LRRC4C: variants seen among roughly 807,000 people sequenced by gnomAD.
The protein encoded by LRRC4C is leucine rich repeat containing 4C, also known as leucine-rich repeat-containing protein 4C.
In LRRC4C, 5 loss-of-function variants were observed where a neutral mutation model predicts 33.6. The ratio of observed to expected loss-of-function variants is 0.15; its 90% CI spans 0.08 to 0.31. The LOEUF is 0.31. Among genes scored for constraint, LRRC4C ranks in the 10% least tolerant of loss-of-function variants. The pLI is 1.00. For missense variants in LRRC4C, 560 were observed against 796.7 expected, an observed-to-expected ratio of 0.70 and a Z score of 3.58; for synonymous variants, 329 against 302.0, an observed-to-expected ratio of 1.09 and a Z score of -0.93.
At chr11:40,840,291 T>C (rs1471745425) in intron 2 of LRRC4C, among the ~76,000 whole-genome samples, 1 of 152,184 alleles carries the variant, frequency 6.6e-6, no homozygotes, top group East Asian at 1.9e-4. Context: ...CACTTATTAC[T>C]CAGCAAATCT....
chr11:40,969,713 G>T (rs1306045445), intron 1 of LRRC4C, among the ~76,000 whole-genome samples: 1 of 152,080 alleles, frequency 6.6e-6, no homozygotes, highest in Non-Finnish European at 1.5e-5. Context: ...ATTAGACAAT[G>T]CACATTTAAT....
intron 1 of LRRC4C, among the ~76,000 whole-genome samples, chr11:41,083,899 A>G (rs1316648802): frequency 1.3e-5 from 2 of 152,204 alleles, no homozygotes; most frequent in East Asian, 3.9e-4. Context: ...GAGAATATGT[A>G]AGACTTCAAG....
In LRRC4C at chr11:40,696,086, TGA is replaced by T. The variant is rs529833530; in HGVS notation, c.-406-47810_-406-47809del. ...ATATATGAGTGTGTATATATATATA[TGA>T]GTGTGTGTATATATATATATATATA... On this transcript the variant is annotated intron_variant, in intron 2 of 6. Coordinates refer to ENST00000528697, the MANE Select transcript of LRRC4C (RefSeq NM_001258419.2). Among the ~76,000 whole-genome samples the T allele has an allele frequency of 5.0e-4, 54 of 107,462 alleles. 1 individual carries two copies. The South Asian group carries it at 0.016, about 32-fold the overall frequency. The allele number at this position is 107,462 out of a possible 152,430, so 70.5% of individuals were successfully genotyped here.
At chr11:40,519,253 A>G (rs1222525769) in intron 3 of LRRC4C, among the ~76,000 whole-genome samples, 1 of 152,094 alleles carries the variant, frequency 6.6e-6, no homozygotes, top group African/African-American at 2.4e-5. Context: ...AAAATCAAAT[A>G]GTTTTTTAAA....
intron 2 of LRRC4C, among the ~76,000 whole-genome samples, chr11:40,728,396 G>A (rs1425568773): frequency 3.3e-5 from 5 of 151,694 alleles, no homozygotes; most frequent in South Asian, 2.1e-4. Context: ...ACGAGGTCAG[G>A]AGATCGAGAC....
chr11:40,686,594 CCT>C (rs1944967252), intron 2 of LRRC4C, among the ~76,000 whole-genome samples: 1 of 151,986 alleles, frequency 6.6e-6, no homozygotes, highest in Admixed American at 6.6e-5. Context: ...ATAGGTGTGA[CCT>C]GAAGTGGCTG....
intron 1 of LRRC4C, among the ~76,000 whole-genome samples, chr11:41,249,358 A>ATTC (rs2136628913): frequency 6.6e-6 from 1 of 152,222 alleles, no homozygotes; most frequent in Admixed American, 6.5e-5. Context: ...TTATACTTGG[A>ATTC]TTCTTGCAAG....
intron 2 of LRRC4C, among the ~76,000 whole-genome samples, chr11:40,721,297 T>C (rs1265005838): frequency 6.6e-6 from 1 of 152,172 alleles, no homozygotes; most frequent in Non-Finnish European, 1.5e-5. Context: ...TGTTTTCCAT[T>C]TGTGCCCTCT....
intron 1 of LRRC4C, among the ~76,000 whole-genome samples, chr11:41,444,929 G>A (rs1955771964): frequency 6.6e-6 from 1 of 151,490 alleles, no homozygotes; most frequent in African/African-American, 2.4e-5. Context: ...TCAGCCTCCC[G>A]AATAGCTAGG....
At chr11:41,137,163 G>T (rs908019164) in intron 1 of LRRC4C, among the ~76,000 whole-genome samples, 4 of 152,014 alleles carry the variant, frequency 2.6e-5, no homozygotes, top group Non-Finnish European at 5.9e-5. Context: ...CACAAGAATT[G>T]CTTGAACCCA....
intron 3 of LRRC4C, among the ~76,000 whole-genome samples, chr11:40,489,446 A>G (rs1954035376): frequency 6.6e-6 from 1 of 152,098 alleles, no homozygotes; most frequent in Non-Finnish European, 1.5e-5. Context: ...TGGGTCAGGC[A>G]GGCCTATTTC....
At chr11:41,012,333 A>G (rs1271278867) in intron 1 of LRRC4C, among the ~76,000 whole-genome samples, 1 of 152,132 alleles carries the variant, frequency 6.6e-6, no homozygotes, top group Admixed American at 6.5e-5. Flanking sequence ...AATATGTTAT[A>G]TTTGTTATTC....
At chr11:40,514,772 G>C (rs918711879) in intron 3 of LRRC4C, among the ~76,000 whole-genome samples, 5 of 151,856 alleles carry the variant, frequency 3.3e-5, no homozygotes, top group Admixed American at 2.0e-4. Flanking sequence ...CCAAAACAGG[G>C]AAATAATAAA....
chr11:41,457,929 A>G (rs1401430096), intron 1 of LRRC4C, among the ~76,000 whole-genome samples: 6 of 152,128 alleles, frequency 3.9e-5, no homozygotes, highest in African/African-American at 1.4e-4. Flanking sequence ...ATACCAGAGT[A>G]TAATCTCTTC....
intron 3 of LRRC4C, among the ~76,000 whole-genome samples, chr11:40,600,111 G>T (rs1410404342): frequency 1.3e-5 from 2 of 152,144 alleles, no homozygotes; most frequent in Admixed American, 6.5e-5. Flanking sequence ...GTTGAGAATA[G>T]AATCAGCCTG....
At chr11:40,279,044 T>A (rs79391637) in intron 4 of LRRC4C, among the ~76,000 whole-genome samples, 4,592 of 152,202 alleles carry the variant, frequency 0.03, 93 homozygotes, top group South Asian at 0.1. Context: ...AAATAGCCCA[T>A]GAAAGAGGAC....
At chr11:41,087,389 C>CA (rs1357546054) in intron 1 of LRRC4C, among the ~76,000 whole-genome samples, 1 of 152,156 alleles carries the variant, frequency 6.6e-6, no homozygotes, top group Non-Finnish European at 1.5e-5. Context: ...ATAAAACTGT[C>CA]AAAACCTTCA....
intron 1 of LRRC4C, among the ~76,000 whole-genome samples, chr11:41,086,369 T>C (rs2135517910): frequency 6.6e-6 from 1 of 152,290 alleles, no homozygotes; most frequent in East Asian, 1.9e-4. Flanking sequence ...ACAAAAGCTG[T>C]TGTTATTTAA....
chr11:40,326,057 A>G (rs1946085522), intron 3 of LRRC4C, among the ~76,000 whole-genome samples: 2 of 151,336 alleles, frequency 1.3e-5, no homozygotes, highest in Non-Finnish European at 2.9e-5. Context: ...TGGCATTTGG[A>G]AAACCTAAAA....
Sources: allele counts gnomAD v4.1 joint callset (sites outside exome capture counted in the v4.1 genomes callset), GRCh38; gene constraint gnomAD v4.1.1; transcripts MANE v1.5; gene names NCBI Gene and HGNC (gene_info 2026-07-23, HGNC 2026-07-21).